The following LCE3D variants were observed in gnomAD, a reference collection of about 807,000 sequenced individuals.
The protein encoded by LCE3D is late cornified envelope protein 3D.
For synonymous variants in LCE3D, 46 were observed against 47.3 expected (o/e 0.97, Z 0.11); for missense variants, 124 against 121.1 (o/e 1.02, Z -0.11).
Position 152,579,555 on chromosome 1 carries a change from C to T in LCE3D, c.*103G>A. The T allele has an allele frequency of 2.6e-6, 4 of 1,561,152 alleles. No homozygotes were observed. The highest frequency in any genetic ancestry group is 3.5e-6 in the Non-Finnish European group (4 of 1,151,546). On this transcript the variant is annotated 3_prime_UTR_variant, in exon 2 of 2. Coordinates refer to ENST00000368787, the MANE Select transcript of LCE3D (RefSeq NM_032563.2). ...AACCCCTAGCTCAGCCTGTGAAAGC[C>T]AGAAGAGGGTATCTGGGAACTCATG...
chr1:152,579,689 C>T lies in LCE3D; in HGVS notation c.248G>A (p.Gly83Asp). 1 of 1,613,842 alleles carries T rather than the reference C, an allele frequency of 6.2e-7. No individual in the cohort carries two copies. The highest frequency in any genetic ancestry group is 8.5e-7 in the Non-Finnish European group (1 of 1,179,994). The stretch of plus-strand genomic sequence containing the variant: ...GCAGCCTCCAGAGCCATGGCCGCAG[C>T]CAGAGCCCCCGCCTTGCTGACCACT... ...RGSGQQGGGS[G>D]CGHGSGGCC Residue 83 changes from glycine (G) to aspartate (D), a missense_variant, in exon 2 of 2, where the codon GGC (glycine) becomes GAC (aspartate). By Grantham distance (94) the Gly-to-Asp change is moderately conservative (BLOSUM62 -1). Transcript: ENST00000368787.
In LCE3D at chr1:152,579,406, T is replaced by C; in HGVS notation, c.*252A>G. ...TGGTAATGAGGACAAGGAGCTTTATTTTTTGATGAGGTCAGGCACAAGCAC... is the reference window on the plus strand; with the variant it reads ...TGGTAATGAGGACAAGGAGCTTTATCTTTTGATGAGGTCAGGCACAAGCAC... On this transcript the variant is annotated 3_prime_UTR_variant, in exon 2 of 2. Coordinates refer to ENST00000368787, the MANE Select transcript of LCE3D (RefSeq NM_032563.2). 1 of 598,976 alleles carries C rather than the reference T, an allele frequency of 1.7e-6. No individual in the cohort carries two copies. Among genetic ancestry groups the C allele is most frequent in the Non-Finnish European group, 2.9e-6 (1 of 344,170 alleles). 37.1% of individuals were successfully genotyped at this position (598,976 alleles called of 1,614,324 possible).
chr1:152,579,537 A>G lies in LCE3D; in HGVS notation c.*121T>C. On this transcript the variant is annotated 3_prime_UTR_variant, in exon 2 of 2. Coordinates refer to ENST00000368787, the MANE Select transcript of LCE3D (RefSeq NM_032563.2). ...TCAGACCTTCCACAGGAAAACCCCT[A>G]GCTCAGCCTGTGAAAGCCAGAAGAG... 2.0e-6 allele frequency: 3 copies of G among 1,497,290 alleles called. No homozygotes were observed. Among genetic ancestry groups the G allele is most frequent in the Non-Finnish European group, 2.7e-6 (3 of 1,103,170 alleles). The allele number at this position is 1,497,290 out of a possible 1,614,324, so 92.8% of individuals were successfully genotyped here.
Position 152,579,896 on chromosome 1 carries a change from G to T in LCE3D, c.41C>A (p.Pro14His), listed in dbSNP as rs757587451. 6.2e-7 allele frequency: 1 copy of T among 1,613,898 alleles called. No homozygotes were observed. Among genetic ancestry groups the T allele is most frequent in the Non-Finnish European group, 8.5e-7 (1 of 1,180,040 alleles). ...QQNQQQCQPP[P>H]KCPSPKCPPK... ...GGGACACTTGGGTGAGGGACACTTG[G>T]GTGGGGGTTGGCACTGCTGCTGGTT... Residue 14 changes from proline to histidine, a missense_variant, in exon 2 of 2, where the codon CCC becomes CAC. By Grantham distance (77) the Pro-to-His change is moderately conservative (BLOSUM62 -2). Coordinates refer to ENST00000368787, the MANE Select transcript of LCE3D (RefSeq NM_032563.2).
In LCE3D at chr1:152,579,858, C is replaced by G. The variant is rs775725166; in HGVS notation, c.79G>C (p.Val27Leu). The change falls in exon 2 of 2, where the codon GTA becomes CTA. Residue 27 changes from valine to leucine, a missense_variant. Coordinates refer to ENST00000368787, the MANE Select transcript of LCE3D (RefSeq NM_032563.2). The stretch of plus-strand genomic sequence containing the variant: ...GAGGAAGCTGGAGGCAGACACTGTA[C>G]TGGGCTCTTTGGGGGACACTTGGGT... ...PSPKCPPKSP[V>L]QCLPPASSGC... is the part of the protein sequence containing the mutation. 5.3e-5 allele frequency: 85 copies of G among 1,613,942 alleles called. No individual in the cohort carries two copies. The South Asian group carries it at 6.6e-4, about 13-fold the overall frequency.
Position 152,579,506 on chromosome 1 carries a change from G to T in LCE3D, c.*152C>A. 8.4e-7 allele frequency: 1 copy of T among 1,191,180 alleles called. No individual in the cohort carries two copies. Among genetic ancestry groups the T allele is most frequent in the East Asian group, 2.3e-5 (1 of 42,670 alleles). 73.8% of individuals were successfully genotyped at this position (1,191,180 alleles called of 1,614,324 possible). On this transcript the variant is annotated 3_prime_UTR_variant, in exon 2 of 2. Transcript: ENST00000368787. ...CATCAGACAGGAAGTGCCTTCTGGG[G>T]AGAGCTCAGACCTTCCACAGGAAAA...
In LCE3D at chr1:152,579,895, G is replaced by A. The variant is rs1217334565; in HGVS notation, c.42C>T (p.Pro14=). ...QQNQQQCQPP[P]KCPSPKCPPK... is the part of the protein sequence containing the mutation. The stretch of plus-strand genomic sequence containing the variant: ...GGGGACACTTGGGTGAGGGACACTT[G>A]GGTGGGGGTTGGCACTGCTGCTGGT... Residue 14 remains proline (P), a synonymous_variant, in exon 2 of 2, where the codon CCC becomes CCT. Transcript: ENST00000368787. 1.3e-5 allele frequency: 21 copies of A among 1,613,926 alleles called. No homozygotes were observed. The East Asian group carries it at 4.5e-4, about 34-fold the overall frequency.
At position 152,579,758 on chromosome 1, in the gene LCE3D, T is replaced by C. The variant is rs770004094; in HGVS notation, c.179A>G (p.His60Arg). 1.2e-6 allele frequency: 2 copies of C among 1,613,796 alleles called. No homozygotes were observed. Among genetic ancestry groups the C allele is most frequent in the South Asian group, 2.2e-5 (2 of 91,072 alleles). Residue 60 changes from histidine to arginine, a missense_variant, in exon 2 of 2, where the codon CAC becomes CGC. Physicochemically the swap from His to Arg is conservative, Grantham distance 29. Coordinates refer to ENST00000368787, the MANE Select transcript of LCE3D (RefSeq NM_032563.2). Reference sequence around the variant, plus strand: ...GGGCCTCTGGCGCCGGCATCGGTGGTGGCGCCTGTGGTGGTTCAGGAAGCA... The same window carrying C: ...GGGCCTCTGGCGCCGGCATCGGTGGCGGCGCCTGTGGTGGTTCAGGAAGCA... The part of the protein sequence containing the change: ...GGCFLNHHRR[H>R]HRCRRQRPNS...
intron 1 of LCE3D, 122 bp from the exon 2 acceptor site, chr1:152,580,079 T>C: frequency 8.7e-7 from 1 of 1,153,266 alleles, no homozygotes; most frequent in Non-Finnish European, 1.2e-6. Context: ...TGGTGGGACA[T>C]GCCAGATGCC....
Position 152,579,504 on chromosome 1 carries a change from G to T in LCE3D, c.*154C>A. 2 of 1,168,340 alleles carry T rather than the reference G, an allele frequency of 1.7e-6. No homozygotes were observed. Among genetic ancestry groups the T allele is most frequent in the Non-Finnish European group, 2.4e-6 (2 of 828,798 alleles). The allele number at this position is 1,168,340 out of a possible 1,614,324, so 72.4% of individuals were successfully genotyped here. On this transcript the variant is annotated 3_prime_UTR_variant, in exon 2 of 2. Transcript: ENST00000368787. ...GACATCAGACAGGAAGTGCCTTCTG[G>T]GGAGAGCTCAGACCTTCCACAGGAA...
At chr1:152,580,214 C>A (rs1387557692) in intron 1 of LCE3D, among the ~76,000 whole-genome samples, 1 of 151,924 alleles carries the variant, frequency 6.6e-6, no homozygotes, top group Non-Finnish European at 1.5e-5. Context: ...GAATGGAGAT[C>A]ATAGGAAACA....
At position 152,579,802 on chromosome 1, in the gene LCE3D, G is replaced by A. The variant is rs1426669186; in HGVS notation, c.135C>T (p.Gly45=). The part of the protein sequence containing the change: ...SGCAPSSGGC[G]PSSEGGCFLN... ...GGAAGCAGCCGCCCTCGGAGCTAGG[G>A]CCACAGCCCCCAGAGCTTGGGGCAC... The change falls in exon 2 of 2, where the codon GGC becomes GGT. Residue 45 remains glycine, a synonymous_variant. Transcript: ENST00000368787. 3 of 1,613,752 alleles carry A rather than the reference G, an allele frequency of 1.9e-6. No homozygotes were observed. In the African/African-American group the frequency reaches 4.0e-5, roughly 22 times the overall value.
At position 152,579,740 on chromosome 1, in the gene LCE3D, T is replaced by A; in HGVS notation, c.197A>T (p.Gln66Leu). The A allele has an allele frequency of 1.9e-6, 3 of 1,613,838 alleles. No individual in the cohort carries two copies. Among genetic ancestry groups the A allele is most frequent in the South Asian group, 1.1e-5 (1 of 91,086 alleles). The change falls in exon 2 of 2, where the codon CAG becomes CTG. Residue 66 changes from glutamine (Q) to leucine (L), a missense_variant. Coordinates refer to ENST00000368787, the MANE Select transcript of LCE3D (RefSeq NM_032563.2). ...HHRRHHRCRR[Q>L]RPNSCDRGSG... The stretch of plus-strand genomic sequence containing the variant: ...GCCCCTGTCACAGGAGTTGGGCCTC[T>A]GGCGCCGGCATCGGTGGTGGCGCCT...
Position 152,579,839 on chromosome 1 carries a change from G to C in LCE3D, c.98C>G (p.Ala33Gly). ...AGAGCTTGGGGCACAGCCAGAGGAA[G>C]CTGGAGGCAGACACTGTACTGGGCT... ...PKSPVQCLPP[A>G]SSGCAPSSGG... Residue 33 changes from alanine (A) to glycine (G), a missense_variant, in exon 2 of 2, where the codon GCT becomes GGT. Transcript: ENST00000368787. 6.2e-7 allele frequency: 1 copy of C among 1,613,920 alleles called. No individual in the cohort carries two copies. The highest frequency in any genetic ancestry group is 1.3e-5 in the African/African-American group (1 of 75,050).
At chr1:152,580,106 AC>A in intron 1 of LCE3D, 149 bp from the exon 2 acceptor site, 2 of 926,670 alleles carry the variant, frequency 2.2e-6, no homozygotes, top group Non-Finnish European at 3.3e-6. Flanking sequence ...TTTGTTCTCC[AC>A]CAGGGACAGA....
In LCE3D at chr1:152,579,501, C is replaced by T; in HGVS notation, c.*157G>A. The stretch of plus-strand genomic sequence containing the variant: ...CTGGACATCAGACAGGAAGTGCCTT[C>T]TGGGGAGAGCTCAGACCTTCCACAG... On this transcript the variant is annotated 3_prime_UTR_variant, in exon 2 of 2. Coordinates refer to ENST00000368787, the MANE Select transcript of LCE3D (RefSeq NM_032563.2). 8.8e-7 allele frequency: 1 copy of T among 1,141,576 alleles called. No homozygotes were observed. The highest frequency in any genetic ancestry group is 1.2e-6 in the Non-Finnish European group (1 of 806,362). 70.7% of individuals were successfully genotyped at this position (1,141,576 alleles called of 1,614,324 possible).
At position 152,579,594 on chromosome 1, in the gene LCE3D, T is replaced by C. The variant is rs1660176498; in HGVS notation, c.*64A>G. On this transcript the variant is annotated 3_prime_UTR_variant, in exon 2 of 2. Transcript: ENST00000368787. ...TGGGAACTCATGCATCAAGATGGGG[T>C]TTTCCTGGGCCCTTGGGATTCTTGT... The C allele has an allele frequency of 6.2e-7, 1 of 1,606,774 alleles. No individual in the cohort carries two copies. The highest frequency in any genetic ancestry group is 1.3e-5 in the African/African-American group (1 of 74,682).
intron 1 of LCE3D, 101 bp downstream of exon 1, chr1:152,580,368 C>T (rs533156578): frequency 5.8e-5 from 12 of 207,316 alleles, no homozygotes; most frequent in East Asian, 1.3e-4. Context: ...ATCCTCTCTC[C>T]GGGCTTTTGT....
rs1278708246 is a variant in LCE3D, at chr1:152,579,439, C to A, written c.*219G>T. ...GAGGTCAGGCACAAGCACTGCCAATCCTTCACAGGTACAGGGGTAAGGGAA... is the reference window on the plus strand; with the variant it reads ...GAGGTCAGGCACAAGCACTGCCAATACTTCACAGGTACAGGGGTAAGGGAA... On this transcript the variant is annotated 3_prime_UTR_variant, in exon 2 of 2. Coordinates refer to ENST00000368787, the MANE Select transcript of LCE3D (RefSeq NM_032563.2). The A allele has an allele frequency of 1.2e-5, 8 of 683,216 alleles. No homozygotes were observed. The highest frequency in any genetic ancestry group is 1.7e-5 in the Non-Finnish European group (7 of 412,790). 42.3% of individuals were successfully genotyped at this position (683,216 alleles called of 1,614,324 possible).
Sources: gnomAD v4.1 joint callset for allele counts (sites outside exome capture counted in the v4.1 genomes callset) on GRCh38, gnomAD v4.1.1 for gene constraint, MANE v1.5 for transcripts, NCBI Gene and HGNC (gene_info 2026-07-23, HGNC 2026-07-21) for gene names.